Variants in COL5A1 observed in about 807,000 individuals in gnomAD.
COL5A1 encodes collagen alpha-1(V) chain.
A neutral mutation model predicts 263.7 loss-of-function variants in COL5A1; 16 were observed. That is an observed-to-expected ratio of 0.06 (90% CI 0.04 to 0.09). The LOEUF (loss-of-function observed/expected upper bound fraction) is 0.09. COL5A1 is among the 10% of genes least tolerant of loss of function. The probability of loss-of-function intolerance (pLI) is 1.00; values close to 1 mark genes in which losing one functional copy is unlikely to be tolerated. For missense variants in COL5A1, 2,036 were observed against 2,540.5 expected, an observed-to-expected ratio of 0.80 and a Z score of 4.27; for synonymous variants, 1,012 against 1,004.5, an observed-to-expected ratio of 1.01 and a Z score of -0.14.
At chr9:134,826,654 C>CTGGTGTGTGGGTGTGTGGG (rs778708306) in intron 63 of COL5A1, among the ~76,000 whole-genome samples, 4,111 of 146,842 alleles carry the variant, frequency 0.028, 135 homozygotes, top group African/African-American at 0.078. Context: ...GTGCATGTGG[C>CTGGTGTGTGGGTGTGTGGG]TGGTGGATGG....
intron 62 of COL5A1, 145 bp downstream of exon 62, chr9:134,825,000 G>A (rs1052108397): frequency 1.7e-6 from 2 of 1,197,078 alleles, no homozygotes; most frequent in Non-Finnish European, 2.3e-6. Context: ...GGGCCGGGGT[G>A]CGCAAGAGCC....
chr9:134,719,121 G>A (rs1029893478), intron 4 of COL5A1, among the ~76,000 whole-genome samples: 3 of 152,304 alleles, frequency 2.0e-5, no homozygotes, highest in Non-Finnish European at 4.4e-5. Context: ...TGAGGGAGGG[G>A]ACTGAGTCCC....
Position 134,681,426 on chromosome 9 carries a change from G to A in COL5A1, c.110-9486G>A, listed in dbSNP as rs1398943903. 6.6e-6 allele frequency among the ~76,000 whole-genome samples: 1 copy of A among 152,238 alleles called. No individual in the cohort carries two copies. Among genetic ancestry groups the A allele is most frequent in the South Asian group, 2.1e-4 (1 of 4,828 alleles). On this transcript the variant is annotated intron_variant, in intron 1 of 65. Coordinates refer to ENST00000371817, the MANE Select transcript of COL5A1 (RefSeq NM_000093.5). This position sits in a 1 kb window ranked among gnomAD's most constrained non-coding sequence, Gnocchi z 4.3. ...CCTGCCCTCCTGCAGTTCACAGCCC[G>A]TGGAGGAGACACACGCTGCCCATGG...
intron 36 of COL5A1, among the ~76,000 whole-genome samples, chr9:134,797,168 C>T (rs556655853): frequency 2.0e-5 from 3 of 151,222 alleles, no homozygotes; most frequent in African/African-American, 7.4e-5. Context: ...GGTCCTCTCT[C>T]CTTGAGACTG....
rs778516121 is a variant in COL5A1 at position 134,690,988 on chromosome 9, C to T, written c.186C>T (p.Cys62=). ...PDGITKTTGF[C]ATRRSSKGPD... Reference sequence around the variant, plus strand: ...GAATAACAAAGACAACAGGCTTTTGCGCCACGCGGCGATCTTCCAAAGGCC... The same window carrying T: ...GAATAACAAAGACAACAGGCTTTTGTGCCACGCGGCGATCTTCCAAAGGCC... Residue 62 remains cysteine (C), a synonymous_variant, in exon 2 of 66, where the codon TGC becomes TGT. Coordinates refer to ENST00000371817, the MANE Select transcript of COL5A1 (RefSeq NM_000093.5). 38 of 1,613,820 alleles carry T rather than the reference C, an allele frequency of 2.4e-5. No individual in the cohort carries two copies. Among genetic ancestry groups the T allele is most frequent in the Admixed American group, 3.3e-5 (2 of 60,032 alleles).
chr9:134,722,592 C>T (rs1463231025), intron 4 of COL5A1, among the ~76,000 whole-genome samples: 1 of 152,178 alleles, frequency 6.6e-6, no homozygotes, highest in Non-Finnish European at 1.5e-5. Context: ...CCCTGAAGGC[C>T]CCTGAGGCTT....
chr9:134,768,921 T>A (rs1162765778), intron 25 of COL5A1, among the ~76,000 whole-genome samples: 2 of 152,090 alleles, frequency 1.3e-5, no homozygotes, highest in African/African-American at 4.8e-5. Flanking sequence ...CAAATTAGAT[T>A]CTGCCTGGAA....
At chr9:134,703,929 G>C (rs1280794194) in intron 4 of COL5A1, among the ~76,000 whole-genome samples, 1 of 152,070 alleles carries the variant, frequency 6.6e-6, no homozygotes, top group African/African-American at 2.4e-5. Flanking sequence ...GTGAGCCACC[G>C]CGCCCGGCCT....
intron 1 of COL5A1, among the ~76,000 whole-genome samples, chr9:134,658,893 C>T (rs747203274): frequency 6.6e-5 from 10 of 152,162 alleles, no homozygotes; most frequent in African/African-American, 1.2e-4. Context: ...ATGAGACATA[C>T]GAGGGAGGGG....
At chr9:134,763,318 C>T (rs1012151119) in intron 19 of COL5A1, among the ~76,000 whole-genome samples, 5 of 152,216 alleles carry the variant, frequency 3.3e-5, no homozygotes, top group Non-Finnish European at 7.4e-5. Flanking sequence ...ACACCTGGTT[C>T]CCCAGAGGGT....
rs898843291 is a variant in COL5A1, at chr9:134,642,713, C to T, written c.109+417C>T. 6.6e-6 allele frequency among the ~76,000 whole-genome samples: 1 copy of T among 152,236 alleles called. No individual in the cohort carries two copies. The highest frequency in any genetic ancestry group is 2.4e-5 in the African/African-American group (1 of 41,472). ...CGGGCAGGGCCGCCCCCTAGAGTTA[C>T]AGCCCTTCAAATCCCGGGACTCCTG... On this transcript the variant is annotated intron_variant, in intron 1 of 65. Coordinates refer to ENST00000371817, the MANE Select transcript of COL5A1 (RefSeq NM_000093.5). This position sits in a 1 kb window ranked among gnomAD's most constrained non-coding sequence, Gnocchi z 4.5.
At chr9:134,662,718 T>C (rs1239346812) in intron 1 of COL5A1, among the ~76,000 whole-genome samples, 1 of 152,206 alleles carries the variant, frequency 6.6e-6, no homozygotes, top group Non-Finnish European at 1.5e-5. Context: ...TTCACAGCTC[T>C]AGAGTGAGGT....
chr9:134,662,506 G>A (rs572657936), intron 1 of COL5A1, among the ~76,000 whole-genome samples: 5 of 152,340 alleles, frequency 3.3e-5, no homozygotes, highest in South Asian at 4.1e-4. Context: ...TGACCCCTAC[G>A]TAGATGCCCA....
In COL5A1 at chr9:134,815,845, T is replaced by C. The variant is rs529205395; in HGVS notation, c.4069-90T>C. The C allele has an allele frequency of 9.2e-6, 14 of 1,523,818 alleles. No homozygotes were observed. The Middle Eastern group carries it at 5.2e-4, about 57-fold the overall frequency. The allele number at this position is 1,523,818 out of a possible 1,614,324, so 94.4% of individuals were successfully genotyped here. A position where few individuals can be genotyped will look rare whatever the true frequency, so the allele number is the denominator to read the frequency against. On this transcript the variant is annotated intron_variant, in intron 51 of 65. Transcript: ENST00000371817. ...CTGGCACCAGAATGGATTTGGGTTTTGGGAAGGGGCTGGAGATGCATTGGG... is the reference window on the plus strand; with the variant it reads ...CTGGCACCAGAATGGATTTGGGTTTCGGGAAGGGGCTGGAGATGCATTGGG...
intron 2 of COL5A1, among the ~76,000 whole-genome samples, chr9:134,698,689 T>G (rs1833568105): frequency 6.6e-6 from 1 of 152,216 alleles, no homozygotes; most frequent in Non-Finnish European, 1.5e-5. Flanking sequence ...TTGCCACAAT[T>G]TCGCCAGCAG....
At chr9:134,751,127 C>T (rs886483215) in intron 13 of COL5A1, among the ~76,000 whole-genome samples, 5 of 150,674 alleles carry the variant, frequency 3.3e-5, no homozygotes, top group South Asian at 4.3e-4. Flanking sequence ...GTAGGGGCCC[C>T]GAGAGCGTGT....
intron 1 of COL5A1, among the ~76,000 whole-genome samples, chr9:134,651,136 C>T (rs769459872): frequency 3.3e-5 from 5 of 152,238 alleles, no homozygotes; most frequent in South Asian, 2.1e-4. Flanking sequence ...GGCAACAGTG[C>T]GTACCTGAAG....
intron 29 of COL5A1, among the ~76,000 whole-genome samples, 155 bp from the exon 30 acceptor site, chr9:134,784,834 G>T (rs1174693689): frequency 6.6e-6 from 1 of 152,260 alleles, no homozygotes; most frequent in African/African-American, 2.4e-5. Flanking sequence ...GGCTCCGGGA[G>T]CAGCTCCGTG....
rs1377832457 is a variant in COL5A1 at position 134,742,066 on chromosome 9, C to A, written c.1494+3258C>A. The stretch of plus-strand genomic sequence containing the variant: ...GGCATCCCACTGGGTATCATGCAGC[C>A]CTGACCAGCTGCTGAAGCCCACACC... On this transcript the variant is annotated intron_variant, in intron 11 of 65. Transcript: ENST00000371817. The surrounding 1 kb of genome is among the most constrained non-coding windows in gnomAD (Gnocchi z 4.6). Among the ~76,000 whole-genome samples, 1 of 152,198 alleles carries A rather than the reference C, an allele frequency of 6.6e-6. No individual in the cohort carries two copies. Among genetic ancestry groups the A allele is most frequent in the Non-Finnish European group, 1.5e-5 (1 of 68,026 alleles).
Sources: gnomAD v4.1 joint callset for allele counts (sites outside exome capture counted in the v4.1 genomes callset) on GRCh38, gnomAD v4.1.1 for gene constraint, Gnocchi (gnomAD v3.1) non-coding constraint, MANE v1.5 for transcripts, NCBI Gene and HGNC (gene_info 2026-07-23, HGNC 2026-07-21) for gene names.